CPA1: variants seen among roughly 807,000 people sequenced by gnomAD.
CPA1 encodes the protein carboxypeptidase A1 (pancreatic).
Under a neutral mutation model 48.7 loss-of-function variants are expected in CPA1, and 42 were observed. The observed-to-expected ratio is 0.86, with a 90% CI of 0.67 to 1.11. The LOEUF (loss-of-function observed/expected upper bound fraction) is 1.11, where lower values mean the gene tolerates loss of function less well. CPA1 is among the 50% of genes most tolerant of loss of function. The pLI is 0.00. For synonymous variants in CPA1, 203 were observed against 217.9 expected (o/e 0.93, Z 0.60); for missense variants, 477 against 544.7 (o/e 0.88, Z 1.24).
chr7:130,382,146 G>T lies in CPA1; in HGVS notation c.420G>T (p.Pro140=). 2 of 1,614,170 alleles carry T rather than the reference G, an allele frequency of 1.2e-6. No homozygotes were observed. Among genetic ancestry groups the T allele is most frequent in the East Asian group, 4.5e-5 (2 of 44,872 alleles). The change falls in exon 4 of 10, where the codon CCG becomes CCT. Residue 140 remains proline (P), a synonymous_variant. Coordinates refer to ENST00000011292, the MANE Select transcript of CPA1 (RefSeq NM_001868.4). ...TGGACCTGCTGGTGGCGGAGAACCCGCACCTTGTCAGCAAGATCCAGATTG... is the reference window on the plus strand; with the variant it reads ...TGGACCTGCTGGTGGCGGAGAACCCTCACCTTGTCAGCAAGATCCAGATTG... The part of the protein sequence containing the change: ...DFLDLLVAEN[P]HLVSKIQIGN...
chr7:130,383,420 C>T lies in CPA1; in HGVS notation c.513C>T (p.Ala171=), dbSNP rs1314422206. The change falls in exon 5 of 10, where the codon GCC becomes GCT. Residue 171 remains alanine (A), a synonymous_variant. Transcript: ENST00000011292. ...GCACGGGGGGCAGTAAGCGTCCAGC[C>T]ATCTGGATCGACACGGGCATCCATT... The part of the protein sequence containing the change: ...KFSTGGSKRP[A]IWIDTGIHSR... The T allele has an allele frequency of 1.9e-6, 3 of 1,614,092 alleles. No homozygotes were observed. The highest frequency in any genetic ancestry group is 2.5e-6 in the Non-Finnish European group (3 of 1,180,044).
At chr7:130,382,301 C>A in intron 4 of CPA1, 92 bp downstream of exon 4, 1 of 964,662 alleles carries the variant, frequency 1.0e-6, no homozygotes, top group Non-Finnish European at 1.6e-6. Context: ...ATCATGGTAC[C>A]AGGGAACACG....
At chr7:130,383,294 A>G in intron 4 of CPA1, 97 bp from the exon 5 acceptor site, 1 of 851,806 alleles carries the variant, frequency 1.2e-6, no homozygotes. Context: ...CACAGAGAGC[A>G]GGTGGTCTCT....
chr7:130,382,239 G>A, intron 4 of CPA1, 30 bp downstream of exon 4: 8 of 1,562,702 alleles, frequency 5.1e-6, no homozygotes, highest in Non-Finnish European at 7.1e-6. Flanking sequence ...ATACACAGGG[G>A]AGAATGGACC....
At chr7:130,385,494 G>T in intron 8 of CPA1, 149 bp downstream of exon 8, 1 of 719,826 alleles carries the variant, frequency 1.4e-6, no homozygotes. Context: ...CCAGCGGGTG[G>T]ACTAACCATT....
chr7:130,387,940 A>G lies in CPA1; in HGVS notation c.1189A>G (p.Ile397Val). 6.2e-7 allele frequency: 1 copy of G among 1,614,116 alleles called. No homozygotes were observed. Among genetic ancestry groups the G allele is most frequent in the Non-Finnish European group, 8.5e-7 (1 of 1,180,032 alleles). Reference sequence around the variant, plus strand: ...CTTCCTGCTGCCAGCCTCCCAGATCATCCCCACAGCCAAGGAGACGTGGCT... The same window carrying G: ...CTTCCTGCTGCCAGCCTCCCAGATCGTCCCCACAGCCAAGGAGACGTGGCT... ...YGFLLPASQI[I>V]PTAKETWLAL... is the part of the protein sequence containing the mutation. The change falls in exon 10 of 10, where the codon ATC becomes GTC. Residue 397 changes from isoleucine (I) to valine (V), a missense_variant. Ile to Val is a conservative substitution (Grantham distance 29, BLOSUM62 3). Coordinates refer to ENST00000011292, the MANE Select transcript of CPA1 (RefSeq NM_001868.4). This position sits in a 1 kb window ranked among gnomAD's most constrained non-coding sequence, Gnocchi z 4.6.
At chr7:130,380,655 G>C in intron 1 of CPA1, 70 bp downstream of exon 1, 1 of 880,688 alleles carries the variant, frequency 1.1e-6, no homozygotes, top group Non-Finnish European at 1.6e-6. Context: ...ACCAGTAGAG[G>C]AGACAGACAG....
At position 130,385,208 on chromosome 7, in the gene CPA1, G is replaced by T. The variant is rs781805242; in HGVS notation, c.850G>T (p.Val284Leu). 2 of 1,614,238 alleles carry T rather than the reference G, an allele frequency of 1.2e-6. No individual in the cohort carries two copies. The change falls in exon 8 of 10, where the codon GTG becomes TTG. Residue 284 changes from valine (V) to leucine (L), a missense_variant. Physicochemically the swap from Val to Leu is conservative, Grantham distance 32. Coordinates refer to ENST00000011292, the MANE Select transcript of CPA1 (RefSeq NM_001868.4). Reference sequence around the variant, plus strand: ...CCACGGCAAGTTTGCCAATTCCGAAGTGGAGGTCAAGTCCATTGTAGACTT... The same window carrying T: ...CCACGGCAAGTTTGCCAATTCCGAATTGGAGGTCAAGTCCATTGTAGACTT... ...TYHGKFANSE[V>L]EVKSIVDFVK...
In CPA1 at chr7:130,384,627, G is replaced by T; in HGVS notation, c.787+1G>T. 1.2e-6 allele frequency: 2 copies of T among 1,612,860 alleles called. No individual in the cohort carries two copies. The highest frequency in any genetic ancestry group is 3.3e-4 in the Middle Eastern group (2 of 6,052). On this transcript the variant is annotated splice_donor_variant, in intron 7 of 9. Coordinates refer to ENST00000011292, the MANE Select transcript of CPA1 (RefSeq NM_001868.4). LOFTEE classifies it high-confidence loss of function. ...AGGAACTGGGACGCTGGCTTTGGGT[G>T]TAAGGCCCAGAGTGTCTTGGGAGCA... is the stretch of plus-strand genomic sequence containing the variant.
intron 2 of CPA1, 99 bp downstream of exon 2, chr7:130,381,278 A>C: frequency 5.2e-6 from 4 of 765,086 alleles, no homozygotes; most frequent in Non-Finnish European, 8.6e-6. Context: ...TCTCCACCCA[A>C]CAAGGAGACA....
chr7:130,385,302 C>CT lies in CPA1; in HGVS notation c.944_945insT (p.Tyr316LeufsTer10). ...AGCTACTCCCAGCTCCTCATGTATC[C>CT]CTATGGCTACAAAACAGAACCAGTC... On this transcript the variant is annotated frameshift_variant, in exon 8 of 10. Transcript: ENST00000011292. LOFTEE classifies it high-confidence loss of function. The CT allele has an allele frequency of 6.2e-7, 1 of 1,614,196 alleles. No homozygotes were observed. Among genetic ancestry groups the CT allele is most frequent in the Non-Finnish European group, 8.5e-7 (1 of 1,180,032 alleles).
At chr7:130,383,909 CT>C (rs1562967753) in intron 6 of CPA1, 115 bp downstream of exon 6, 1 of 797,396 alleles carries the variant, frequency 1.3e-6, no homozygotes, top group South Asian at 1.4e-5. Context: ...GCAATCAGAC[CT>C]GTGCTCCTAG....
chr7:130,381,867 A>AG lies in CPA1; in HGVS notation c.381+7dup, dbSNP rs1796410680. On this transcript the variant is annotated splice_donor_region_variant and intron_variant, in intron 3 of 9. Transcript: ENST00000011292. ...CACCTACCACACCCTGGAGGAGGTG[A>AG]GGGCGCCCCTAGCGGCCGCTCCCTG... 3 of 1,611,722 alleles carry AG rather than the reference A, an allele frequency of 1.9e-6. No individual in the cohort carries two copies. The highest frequency in any genetic ancestry group is 2.5e-6 in the Non-Finnish European group (3 of 1,178,812).
chr7:130,385,028 C>T (rs1796454461), intron 7 of CPA1, 118 bp from the exon 8 acceptor site: 1 of 1,017,694 alleles, frequency 9.8e-7, no homozygotes, highest in Admixed American at 1.9e-5. Flanking sequence ...TTCCTGAATC[C>T]AGGGGTGGGA....
chr7:130,385,504 T>A (rs1554411873), intron 8 of CPA1, among the ~76,000 whole-genome samples, 159 bp downstream of exon 8: 2 of 152,128 alleles, frequency 1.3e-5, no homozygotes. Context: ...GACTAACCAT[T>A]TTTTCTGGGA....
chr7:130,381,553 G>A (rs1796403692), intron 2 of CPA1, 77 bp from the exon 3 acceptor site: 8 of 1,087,426 alleles, frequency 7.4e-6, no homozygotes, highest in East Asian at 2.4e-5. Context: ...CCCCTCCCAC[G>A]CAGGCCCTGT....
Position 130,385,763 on chromosome 7 carries a change from AGCCCCCAGACTACCCTGGACAT to A in CPA1, c.988-73_988-52del. Reference sequence around the variant, plus strand: ...GGTGCTTCTCCTAGGCTCCCCTGCCAGCCCCCAGACTACCCTGGACATGCTGTTCCAGGAGCCTGGCCATGAC... The same window carrying A: ...GGTGCTTCTCCTAGGCTCCCCTGCCAGCTGTTCCAGGAGCCTGGCCATGAC... On this transcript the variant is annotated intron_variant, in intron 8 of 9. Coordinates refer to ENST00000011292, the MANE Select transcript of CPA1 (RefSeq NM_001868.4). 3 of 1,228,366 alleles carry A rather than the reference AGCCCCCAGACTACCCTGGACAT, an allele frequency of 2.4e-6. No homozygotes were observed. The South Asian group carries it at 3.9e-5, about 16-fold the overall frequency. 76.1% of individuals were successfully genotyped at this position (1,228,366 alleles called of 1,614,324 possible). A position where few individuals can be genotyped will look rare whatever the true frequency, so the allele number is the denominator to read the frequency against.
rs1239224227 is a variant in CPA1, at chr7:130,381,264, G to A, written c.147+85G>A. On this transcript the variant is annotated intron_variant, in intron 2 of 9. Transcript: ENST00000011292. The stretch of plus-strand genomic sequence containing the variant: ...GTCCCCAGCGGCCAACTGTGCCTGG[G>A]CTGTCTCCACCCAACAAGGAGACAT... The A allele has an allele frequency of 4.3e-6, 4 of 923,358 alleles. No homozygotes were observed. The Admixed American group carries it at 7.2e-5, about 17-fold the overall frequency. The allele number at this position is 923,358 out of a possible 1,614,324, so 57.2% of individuals were successfully genotyped here.
chr7:130,381,788 G>A lies in CPA1; in HGVS notation c.306G>A (p.Glu102=). The A allele has an allele frequency of 6.2e-7, 1 of 1,614,154 alleles. No homozygotes were observed. Among genetic ancestry groups the A allele is most frequent in the Non-Finnish European group, 8.5e-7 (1 of 1,180,018 alleles). ...AGTCGCTGCTGGACGAGGAGCAGGA[G>A]CAGATGTTCGCCTTCCGGTCCCGGG... is the stretch of plus-strand genomic sequence containing the variant. ...DVQSLLDEEQ[E]QMFAFRSRAR... Residue 102 remains glutamate (E), a synonymous_variant, in exon 3 of 10, where the codon GAG becomes GAA. Transcript: ENST00000011292.
Sources: allele counts gnomAD v4.1 joint callset (sites outside exome capture counted in the v4.1 genomes callset), GRCh38; gene constraint gnomAD v4.1.1; non-coding constraint Gnocchi (gnomAD v3.1); transcripts MANE v1.5; gene names NCBI Gene and HGNC (gene_info 2026-07-23, HGNC 2026-07-21).